Variants in AOPEP observed in about 807,000 individuals in gnomAD.
AOPEP encodes aminopeptidase O (putative), also known as aminopeptidase O.
Under a neutral mutation model 98.1 loss-of-function variants are expected in AOPEP, and 77 were observed. That is an observed-to-expected ratio of 0.78 (90% CI 0.65 to 0.95). The LOEUF is 0.95. AOPEP is among the 40% of genes least tolerant of loss of function. The pLI is 0.00. For missense variants in AOPEP, 1,024 were observed against 1,024.7 expected, an observed-to-expected ratio of 1.00 and a Z score of 0.01; for synonymous variants, 346 against 365.3, an observed-to-expected ratio of 0.95 and a Z score of 0.60.
intron 6 of AOPEP, 107 bp downstream of exon 6, chr9:94,924,282 C>A: frequency 1.1e-6 from 1 of 904,936 alleles, no homozygotes; most frequent in Non-Finnish European, 1.5e-6. Context: ...GCACTAGGCA[C>A]AAATTTTGCT....
chr9:94,753,714 A>G (rs936851718), intron 1 of AOPEP, among the ~76,000 whole-genome samples: 2 of 152,366 alleles, frequency 1.3e-5, no homozygotes, highest in Admixed American at 6.5e-5. Context: ...TGTTTTAAAA[A>G]GACAGCCAAG....
At chr9:94,883,855 G>A (rs1302241399) in intron 5 of AOPEP, among the ~76,000 whole-genome samples, 1 of 152,176 alleles carries the variant, frequency 6.6e-6, no homozygotes, top group Non-Finnish European at 1.5e-5. Context: ...CTGACATACT[G>A]AAGACCATGT....
At chr9:95,043,251 T>TATATATATACGTATATATACAG (rs1554814050) in intron 13 of AOPEP, among the ~76,000 whole-genome samples, 3 of 147,632 alleles carry the variant, frequency 2.0e-5, no homozygotes, top group African/African-American at 4.9e-5. Flanking sequence ...TATATACAGA[T>TATATATATACGTATATATACAG]ATATATATAC....
At chr9:95,095,861 G>A in the AOPEP span, among the ~76,000 whole-genome samples, 1 of 152,192 alleles carries the variant, frequency 6.6e-6, no homozygotes, top group African/African-American at 2.4e-5. Flanking sequence ...GGGCCGGGAG[G>A]GAGTGGCCGG....
At chr9:95,023,166 C>G (rs1358254983) in intron 13 of AOPEP, among the ~76,000 whole-genome samples, 1 of 152,166 alleles carries the variant, frequency 6.6e-6, no homozygotes, top group Non-Finnish European at 1.5e-5. Flanking sequence ...ATTAATGTTA[C>G]TGGGGAATGG....
At chr9:94,772,183 A>G (rs1040236764) in intron 2 of AOPEP, among the ~76,000 whole-genome samples, 3 of 152,232 alleles carry the variant, frequency 2.0e-5, no homozygotes, top group Admixed American at 2.0e-4. Context: ...AAGTAGAAAC[A>G]TTCTCCTGAG....
At chr9:94,862,974 A>T (rs1313850638) in intron 5 of AOPEP, among the ~76,000 whole-genome samples, 1 of 152,240 alleles carries the variant, frequency 6.6e-6, no homozygotes, top group Non-Finnish European at 1.5e-5. Flanking sequence ...GTTTAAAAAG[A>T]CACACATAAA....
chr9:95,110,771 T>C, the AOPEP span: 7 of 1,106,176 alleles, frequency 6.3e-6, no homozygotes, highest in South Asian at 1.5e-4. Context: ...TTTAAGAACC[T>C]AGCAAATCAA....
chr9:94,909,740 G>A (rs1179985704), intron 5 of AOPEP, among the ~76,000 whole-genome samples: 1 of 152,238 alleles, frequency 6.6e-6, no homozygotes, highest in Non-Finnish European at 1.5e-5. Flanking sequence ...TGAGTCACCA[G>A]TTTCAGGCAA....
At chr9:95,148,843 A>G in the AOPEP span, among the ~76,000 whole-genome samples, 1 of 152,236 alleles carries the variant, frequency 6.6e-6, no homozygotes, top group Non-Finnish European at 1.5e-5. Context: ...TTAAAAAATG[A>G]CCATTTTCAA....
At chr9:95,048,024 C>A (rs1349989617) in intron 13 of AOPEP, among the ~76,000 whole-genome samples, 4 of 152,156 alleles carry the variant, frequency 2.6e-5, no homozygotes, top group Non-Finnish European at 5.9e-5. Flanking sequence ...AGAAAACAGT[C>A]CTCTCACACC....
chr9:94,822,106 T>C (rs1035943825), intron 5 of AOPEP, among the ~76,000 whole-genome samples: 1 of 152,008 alleles, frequency 6.6e-6, no homozygotes, highest in Non-Finnish European at 1.5e-5. Context: ...GGGCACTCAT[T>C]ACATAGAGGG....
chr9:95,128,723 GC>G, the AOPEP span, among the ~76,000 whole-genome samples: 1 of 152,134 alleles, frequency 6.6e-6, no homozygotes, highest in Non-Finnish European at 1.5e-5. Flanking sequence ...TGTGGAATCT[GC>G]TTGTTCTTCC....
intron 13 of AOPEP, among the ~76,000 whole-genome samples, chr9:95,045,267 C>T (rs753839785): frequency 6.6e-6 from 1 of 152,194 alleles, no homozygotes; most frequent in Non-Finnish European, 1.5e-5. Context: ...ACCCGTGTCC[C>T]GGCAGTGCAG....
intron 5 of AOPEP, among the ~76,000 whole-genome samples, chr9:94,884,687 G>C (rs2047979719): frequency 1.3e-5 from 2 of 152,154 alleles, no homozygotes; most frequent in South Asian, 2.1e-4. Flanking sequence ...GCGTTGTTAA[G>C]ATGAAGCGAG....
At chr9:94,885,482 G>T (rs2048134139) in intron 5 of AOPEP, among the ~76,000 whole-genome samples, 1 of 147,752 alleles carries the variant, frequency 6.8e-6, no homozygotes, top group Non-Finnish European at 1.5e-5. Flanking sequence ...AAGGGAAAAA[G>T]CATGGAGGAA....
At chr9:94,728,963 A>G (rs970599786) in intron 1 of AOPEP, among the ~76,000 whole-genome samples, 7 of 152,192 alleles carry the variant, frequency 4.6e-5, no homozygotes, top group Non-Finnish European at 1.5e-5. Context: ...AGTTGGTAGA[A>G]GTTTAGAATA....
chr9:94,835,738 T>C (rs2041515019), intron 5 of AOPEP, among the ~76,000 whole-genome samples: 2 of 152,188 alleles, frequency 1.3e-5, no homozygotes, highest in Admixed American at 1.3e-4. Context: ...GTTGAAGTGG[T>C]ATCTATGCAA....
intron 5 of AOPEP, among the ~76,000 whole-genome samples, chr9:94,918,574 C>T (rs1009068948): frequency 2.6e-5 from 4 of 152,332 alleles, no homozygotes; most frequent in East Asian, 1.9e-4. Context: ...ACTGTGTGAG[C>T]TCCAGTCCTG....
Sources: allele counts gnomAD v4.1 joint callset (sites outside exome capture counted in the v4.1 genomes callset), GRCh38; gene constraint gnomAD v4.1.1; transcripts MANE v1.5; gene names NCBI Gene and HGNC (gene_info 2026-07-23, HGNC 2026-07-21).